FOXK1: variants seen among roughly 807,000 people sequenced by gnomAD.
FOXK1 encodes the protein forkhead box K1, also known as forkhead box protein K1.
FOXK1 carries 19 observed loss-of-function variants against 51.9 expected under a neutral mutation model. The observed-to-expected ratio is 0.37, with a 90% CI of 0.26 to 0.54. The LOEUF is 0.54. Among genes scored for constraint, FOXK1 ranks in the 20% least tolerant of loss-of-function variants. FOXK1 has a pLI of 0.87. For synonymous variants in FOXK1, 537 were observed against 482.6 expected (o/e 1.11, Z -1.48); for missense variants, 870 against 1,032.7 (o/e 0.84, Z 2.16).
chr7:4,725,712 C>A (rs1009537737), intron 1 of FOXK1, among the ~76,000 whole-genome samples: 8 of 152,258 alleles, frequency 5.3e-5, no homozygotes, highest in Non-Finnish European at 8.8e-5. Flanking sequence ...ATGCCACTTA[C>A]ATGTGATTTC....
intron 1 of FOXK1, among the ~76,000 whole-genome samples, chr7:4,714,973 C>T (rs1011255946): frequency 3.4e-4 from 52 of 152,272 alleles, no homozygotes; most frequent in African/African-American, 1.2e-3. Flanking sequence ...CTTGTTGTAA[C>T]GTGGTTCTGC....
At chr7:4,692,167 A>G (rs948562613) in intron 1 of FOXK1, among the ~76,000 whole-genome samples, 2 of 152,204 alleles carry the variant, frequency 1.3e-5, no homozygotes, top group Non-Finnish European at 2.9e-5. Flanking sequence ...GAAAAGAATA[A>G]GAGTTTTTTT....
At chr7:4,695,473 T>C (rs1186269117) in intron 1 of FOXK1, among the ~76,000 whole-genome samples, 1 of 152,198 alleles carries the variant, frequency 6.6e-6, no homozygotes, top group African/African-American at 2.4e-5. Flanking sequence ...CTGTCCAACA[T>C]GGCCACCACT....
chr7:4,695,498 G>T (rs55705271), intron 1 of FOXK1, among the ~76,000 whole-genome samples: 8,965 of 152,234 alleles, frequency 0.059, 796 homozygotes, highest in African/African-American at 0.2. Flanking sequence ...ATGTGTGGCT[G>T]TTGAGTGTTT....
At chr7:4,752,620 C>T (rs911709004) in intron 2 of FOXK1, among the ~76,000 whole-genome samples, 3 of 152,206 alleles carry the variant, frequency 2.0e-5, no homozygotes, top group African/African-American at 4.8e-5. Context: ...TGAGATTTTC[C>T]GAGCTGAGTG....
At chr7:4,719,028 C>T (rs913976829) in intron 1 of FOXK1, among the ~76,000 whole-genome samples, 1 of 152,122 alleles carries the variant, frequency 6.6e-6, no homozygotes, top group Non-Finnish European at 1.5e-5. Context: ...AGTCTGATCT[C>T]GAACTCCCAA....
chr7:4,745,284 G>T lies in FOXK1; in HGVS notation c.746+4261G>T, dbSNP rs1313120202. ...GGAGTGGCTGGCTCGGTGTAGGCCG[G>T]GCTCGCCCAGGGCCCCTCATTCCCA... On this transcript the variant is annotated intron_variant, in intron 2 of 8. Coordinates refer to ENST00000328914, the MANE Select transcript of FOXK1 (RefSeq NM_001037165.2). This position sits in a 1 kb window ranked among gnomAD's most constrained non-coding sequence, Gnocchi z 4.3. 1.3e-5 allele frequency among the ~76,000 whole-genome samples: 2 copies of T among 152,152 alleles called. No individual in the cohort carries two copies. Among genetic ancestry groups the T allele is most frequent in the African/African-American group, 2.4e-5 (1 of 41,442 alleles).
chr7:4,760,112 G>A (rs945954123), intron 7 of FOXK1: 1 of 155,706 alleles, frequency 6.4e-6, no homozygotes, highest in South Asian at 2.0e-4. Context: ...CTGTGTCCTT[G>A]CCCTAAGGTA....
At position 4,749,857 on chromosome 7, in the gene FOXK1, T is replaced by C. The variant is rs2115067097; in HGVS notation, c.747-4602T>C. On this transcript the variant is annotated intron_variant, in intron 2 of 8. Coordinates refer to ENST00000328914, the MANE Select transcript of FOXK1 (RefSeq NM_001037165.2). The surrounding 1 kb of genome is among the most constrained non-coding windows in gnomAD (Gnocchi z 6.0). Reference sequence around the variant, plus strand: ...AGGTCTGTTGTTGGATTTGCCTTTCTCAGCGTGACTTCTCATCATAACGTG... The same window carrying C: ...AGGTCTGTTGTTGGATTTGCCTTTCCCAGCGTGACTTCTCATCATAACGTG... Among the ~76,000 whole-genome samples, 1 of 152,344 alleles carries C rather than the reference T, an allele frequency of 6.6e-6. No homozygotes were observed. The highest frequency in any genetic ancestry group is 1.9e-4 in the East Asian group (1 of 5,188).
intron 1 of FOXK1, among the ~76,000 whole-genome samples, chr7:4,713,501 T>G (rs1361480619): frequency 2.7e-5 from 4 of 146,022 alleles, no homozygotes; most frequent in Non-Finnish European, 4.5e-5. Context: ...TTTTTTTTTG[T>G]TTTTTTTTTG....
At chr7:4,686,431 T>C (rs1373406947) in intron 1 of FOXK1, among the ~76,000 whole-genome samples, 2 of 151,856 alleles carry the variant, frequency 1.3e-5, no homozygotes, top group Non-Finnish European at 2.9e-5. Context: ...TAATTATTGG[T>C]GGGGGAAAAA....
chr7:4,715,880 C>T lies in FOXK1; in HGVS notation c.561-24958C>T, dbSNP rs767262586. Among the ~76,000 whole-genome samples, 44 of 152,190 alleles carry T rather than the reference C, an allele frequency of 2.9e-4. No individual in the cohort carries two copies. The highest frequency in any genetic ancestry group is 5.6e-4 in the Non-Finnish European group (38 of 68,038). On this transcript the variant is annotated intron_variant, in intron 1 of 8. Coordinates refer to ENST00000328914, the MANE Select transcript of FOXK1 (RefSeq NM_001037165.2). The surrounding 1 kb of genome is among the most constrained non-coding windows in gnomAD (Gnocchi z 4.5). Reference sequence around the variant, plus strand: ...TTCCAGCCACTGGTCACAGGATGGCCGTTGCTGAACTTCAACATTGGCCAC... The same window carrying T: ...TTCCAGCCACTGGTCACAGGATGGCTGTTGCTGAACTTCAACATTGGCCAC...
chr7:4,706,533 T>C (rs950119447), intron 1 of FOXK1, among the ~76,000 whole-genome samples: 1 of 152,166 alleles, frequency 6.6e-6, no homozygotes, highest in African/African-American at 2.4e-5. Context: ...GCTGGGTGTC[T>C]GTGGTTCCCT....
At position 4,756,575 on chromosome 7, in the gene FOXK1, C is replaced by G. The variant is rs890147412; in HGVS notation, c.1051-419C>G. ...CCGAGGTGGAAGGATTGGTTAAGCCCAAGAGTGTGAGACCCCATCTCAACT... is the reference window on the plus strand; with the variant it reads ...CCGAGGTGGAAGGATTGGTTAAGCCGAAGAGTGTGAGACCCCATCTCAACT... On this transcript the variant is annotated intron_variant, in intron 4 of 8. Coordinates refer to ENST00000328914, the MANE Select transcript of FOXK1 (RefSeq NM_001037165.2). The surrounding 1 kb of genome is among the most constrained non-coding windows in gnomAD (Gnocchi z 4.1). Among the ~76,000 whole-genome samples, 1 of 151,678 alleles carries G rather than the reference C, an allele frequency of 6.6e-6. No individual in the cohort carries two copies. The highest frequency in any genetic ancestry group is 1.5e-5 in the Non-Finnish European group (1 of 67,898).
rs375878368 is a variant in FOXK1 at position 4,706,016 on chromosome 7, A to C, written c.560+23148A>C. Among the ~76,000 whole-genome samples the C allele has an allele frequency of 1.3e-4, 10 of 77,368 alleles. 1 individual carries two copies. Among genetic ancestry groups the C allele is most frequent in the South Asian group, 3.3e-4 (1 of 3,066 alleles). 50.8% of individuals were successfully genotyped at this position (77,368 alleles called of 152,430 possible). A position where few individuals can be genotyped will look rare whatever the true frequency, so the allele number is the denominator to read the frequency against. ...TACGTATATATACGTATATATACGTATATATACGTGTATATACGTGTATAT... is the reference window on the plus strand; with the variant it reads ...TACGTATATATACGTATATATACGTCTATATACGTGTATATACGTGTATAT... On this transcript the variant is annotated intron_variant, in intron 1 of 8. Coordinates refer to ENST00000328914, the MANE Select transcript of FOXK1 (RefSeq NM_001037165.2).
rs993990327 is a variant in FOXK1, at chr7:4,734,333, T to C, written c.561-6505T>C. Among the ~76,000 whole-genome samples the C allele has an allele frequency of 9.2e-5, 14 of 152,318 alleles. No individual in the cohort carries two copies. Among genetic ancestry groups the C allele is most frequent in the Admixed American group, 9.1e-4 (14 of 15,310 alleles). The stretch of plus-strand genomic sequence containing the variant: ...ATGTTTTCTGAGTCACTTTAAACTG[T>C]GCAAGATTTCCCGTTTCCCCTGGCT... On this transcript the variant is annotated intron_variant, in intron 1 of 8. Transcript: ENST00000328914. The surrounding 1 kb of genome is among the most constrained non-coding windows in gnomAD (Gnocchi z 5.2).
chr7:4,705,554 T>TCTCTCGCTCTCGCTCTCG (rs1554249288), intron 1 of FOXK1, among the ~76,000 whole-genome samples: 48 of 131,590 alleles, frequency 3.6e-4, no homozygotes, highest in African/African-American at 1.4e-3. Context: ...TCTCTCTCTC[T>TCTCTCGCTCTCGCTCTCG]CTCTCGCTCT....
At chr7:4,694,496 G>C (rs537343188) in intron 1 of FOXK1, among the ~76,000 whole-genome samples, 2 of 152,246 alleles carry the variant, frequency 1.3e-5, no homozygotes, top group South Asian at 4.1e-4. Flanking sequence ...TTTGTATCAC[G>C]AGGGGGAAAG....
In FOXK1 at chr7:4,709,697, C is replaced by T. The variant is rs1377482284; in HGVS notation, c.560+26829C>T. ...TCACATGATACAAAACGTCAAATTG[C>T]GTTTTACGCCATTGGTTTGGACCCT... On this transcript the variant is annotated intron_variant, in intron 1 of 8. Coordinates refer to ENST00000328914, the MANE Select transcript of FOXK1 (RefSeq NM_001037165.2). The surrounding 1 kb of genome is among the most constrained non-coding windows in gnomAD (Gnocchi z 5.6). Among the ~76,000 whole-genome samples, 3 of 152,306 alleles carry T rather than the reference C, an allele frequency of 2.0e-5. 1 individual carries two copies. Among genetic ancestry groups the T allele is most frequent in the South Asian group, 4.1e-4 (2 of 4,826 alleles).
Sources: allele counts gnomAD v4.1 joint callset (sites outside exome capture counted in the v4.1 genomes callset), GRCh38; gene constraint gnomAD v4.1.1; non-coding constraint Gnocchi (gnomAD v3.1); transcripts MANE v1.5; gene names NCBI Gene and HGNC (gene_info 2026-07-23, HGNC 2026-07-21).